IL1RAPL1: variants seen among roughly 807,000 people sequenced by gnomAD.
The protein encoded by IL1RAPL1 is interleukin 1 receptor accessory protein like 1.
IL1RAPL1 carries 3 observed loss-of-function variants against 48.4 expected under a neutral mutation model. The ratio of observed to expected loss-of-function variants is 0.06; its 90% CI spans 0.03 to 0.16. IL1RAPL1 has a LOEUF of 0.16. Ranked by LOEUF, IL1RAPL1 falls within the 10% of genes least tolerant of loss-of-function variation. IL1RAPL1 has a pLI of 1.00. For missense variants in IL1RAPL1, 349 were observed against 530.6 expected (o/e 0.66, Z 3.36); for synonymous variants, 185 against 187.7 (o/e 0.99, Z 0.12).
At chrX:29,614,111 T>C (rs1309137514) in intron 5 of IL1RAPL1, among the ~76,000 whole-genome samples, 1 of 111,375 alleles carries the variant, frequency 9.0e-6, no homozygotes, top group Admixed American at 9.6e-5. Flanking sequence ...GAACACTTAC[T>C]TGTCCTCTGG....
intron 2 of IL1RAPL1, among the ~76,000 whole-genome samples, chrX:28,841,218 T>A (rs1262280097): frequency 9.0e-6 from 1 of 110,869 alleles, no homozygotes; most frequent in African/African-American, 3.3e-5. Context: ...AATTTACACT[T>A]ATTATGTTCA....
intron 3 of IL1RAPL1, among the ~76,000 whole-genome samples, chrX:29,310,120 AAAAAAAAAAGAAAGGAAAAAAAAAAAAAC>A (rs1932695428): frequency 2.2e-5 from 2 of 89,670 alleles, no homozygotes; most frequent in African/African-American, 9.6e-5. Context: ...AAAAAAAAAA[AAAAAAAAAAGAAAGGAAAAAAAAAAAAAC>A]AAAAAAAGGG....
intron 5 of IL1RAPL1, among the ~76,000 whole-genome samples, chrX:29,632,661 T>G (rs1373655696): frequency 8.9e-6 from 1 of 112,332 alleles, no homozygotes; most frequent in Non-Finnish European, 1.9e-5. Context: ...CTTTGTCATC[T>G]GTGTAGGCAA....
intron 5 of IL1RAPL1, among the ~76,000 whole-genome samples, chrX:29,513,419 AGAAT>A (rs1447194347): frequency 9.0e-6 from 1 of 110,978 alleles, no homozygotes; most frequent in East Asian, 2.8e-4. Context: ...ATGCTACAGC[AGAAT>A]TTATTTAACC....
intron 1 of IL1RAPL1, among the ~76,000 whole-genome samples, chrX:28,665,710 C>T (rs920480417): frequency 1.3e-4 from 14 of 111,306 alleles, no homozygotes; most frequent in African/African-American, 3.3e-4. Flanking sequence ...AGGCTGGTCT[C>T]GAACTCCTGA....
At chrX:29,522,912 T>TTCTCTC (rs761878581) in intron 5 of IL1RAPL1, among the ~76,000 whole-genome samples, 1 of 107,273 alleles carries the variant, frequency 9.3e-6, no homozygotes, top group African/African-American at 3.4e-5. Context: ...CTCATCTGTG[T>TTCTCTC]TCTCTCTCTC....
chrX:28,910,438 T>C (rs772393800), intron 2 of IL1RAPL1, among the ~76,000 whole-genome samples: 1 of 110,458 alleles, frequency 9.1e-6, no homozygotes, highest in African/African-American at 3.3e-5. Flanking sequence ...AAAAGGAAAG[T>C]GAGATTTATA....
At position 29,067,954 on chromosome X, in the gene IL1RAPL1, T is replaced by C. The variant is rs997045518; in HGVS notation, c.83-214984T>C. On this transcript the variant is annotated intron_variant, in intron 2 of 10. Coordinates refer to ENST00000378993, the MANE Select transcript of IL1RAPL1 (RefSeq NM_014271.4). ...CTACAAAACTTATTGCTGAATGAGG[T>C]ATAGATTTGGATATTAGACAAGAAT... Among the ~76,000 whole-genome samples, 9 of 111,984 alleles carry C rather than the reference T, an allele frequency of 8.0e-5. No individual in the cohort carries two copies. In the East Asian group the frequency reaches 2.0e-3, roughly 24 times the overall value.
chrX:28,870,963 C>T (rs1451841885), intron 2 of IL1RAPL1, among the ~76,000 whole-genome samples: 1 of 111,579 alleles, frequency 9.0e-6, no homozygotes, highest in East Asian at 2.8e-4. Context: ...ATTAAGTAAA[C>T]AAATATTTGT....
At chrX:29,378,185 A>G (rs1293798969) in intron 3 of IL1RAPL1, among the ~76,000 whole-genome samples, 1 of 110,636 alleles carries the variant, frequency 9.0e-6, no homozygotes, top group African/African-American at 3.3e-5. Flanking sequence ...TGATTTTATT[A>G]TAAAATTCTT....
chrX:28,668,639 T>C (rs1934911254), intron 1 of IL1RAPL1, among the ~76,000 whole-genome samples: 1 of 113,143 alleles, frequency 8.8e-6, no homozygotes, highest in African/African-American at 3.2e-5. Flanking sequence ...ATATCTTTGA[T>C]GATTGATCTA....
chrX:29,543,115 T>TTTTCTC (rs375168207), intron 5 of IL1RAPL1, among the ~76,000 whole-genome samples: 1 of 91,683 alleles, frequency 1.1e-5, no homozygotes, highest in African/African-American at 4.1e-5. Flanking sequence ...ATCTGTTCGT[T>TTTTCTC]TCTCTCTCTC....
chrX:29,810,232 C>A (rs1930353241), intron 6 of IL1RAPL1, among the ~76,000 whole-genome samples: 1 of 109,126 alleles, frequency 9.2e-6, no homozygotes, highest in Non-Finnish European at 1.9e-5. Flanking sequence ...CCTCTGTCAC[C>A]CAGGCTGGAG....
chrX:29,252,225 C>G (rs1222793288), intron 2 of IL1RAPL1, among the ~76,000 whole-genome samples: 1 of 111,516 alleles, frequency 9.0e-6, no homozygotes, highest in Non-Finnish European at 1.9e-5. Context: ...TGTAACTAAC[C>G]TGCACATTGT....
At chrX:29,639,711 C>T (rs751804829) in intron 5 of IL1RAPL1, among the ~76,000 whole-genome samples, 4 of 110,806 alleles carry the variant, frequency 3.6e-5, no homozygotes, top group Non-Finnish European at 7.6e-5. Flanking sequence ...AAGATTATTT[C>T]ATTCATTTTA....
At chrX:29,719,846 C>T (rs1927587774) in intron 6 of IL1RAPL1, among the ~76,000 whole-genome samples, 1 of 107,839 alleles carries the variant, frequency 9.3e-6, no homozygotes, top group South Asian at 4.0e-4. Context: ...GACAGTGGAA[C>T]AACTCAGGAA....
intron 1 of IL1RAPL1, among the ~76,000 whole-genome samples, chrX:28,696,037 T>C (rs928933674): frequency 1.8e-5 from 2 of 112,285 alleles, no homozygotes; most frequent in Non-Finnish European, 3.8e-5. Flanking sequence ...AAGATAATAC[T>C]ATGATATTTC....
At chrX:28,908,529 A>C (rs1293833273) in intron 2 of IL1RAPL1, among the ~76,000 whole-genome samples, 3 of 111,753 alleles carry the variant, frequency 2.7e-5, no homozygotes, top group African/African-American at 9.7e-5. Context: ...TTTTTAGTTT[A>C]ATTCCATTGT....
intron 2 of IL1RAPL1, among the ~76,000 whole-genome samples, chrX:28,866,177 T>C (rs1307452293): frequency 1.8e-5 from 2 of 112,108 alleles, no homozygotes; most frequent in African/African-American, 6.5e-5. Context: ...AAAGGAAATA[T>C]TCAAATAGTA....
Sources: allele counts gnomAD v4.1 joint callset (sites outside exome capture counted in the v4.1 genomes callset), GRCh38; gene constraint gnomAD v4.1.1; transcripts MANE v1.5; gene names NCBI Gene and HGNC (gene_info 2026-07-23, HGNC 2026-07-21).